The following OR10G3 variants were observed in gnomAD, a reference collection of about 807,000 sequenced individuals.
The protein encoded by OR10G3 is olfactory receptor 10G3.
A neutral mutation model predicts 13.4 loss-of-function variants in OR10G3; 8 were observed. The observed-to-expected ratio is 0.60, with a 90% CI of 0.35 to 1.08. The LOEUF (loss-of-function observed/expected upper bound fraction) is 1.08. Ranked by LOEUF, OR10G3 falls within the 50% of genes least tolerant of loss-of-function variation. The probability of loss-of-function intolerance (pLI) is 0.02; values close to 1 mark genes in which losing one functional copy is unlikely to be tolerated. For synonymous variants in OR10G3, 142 were observed against 156.1 expected (o/e 0.91, Z 0.67); for missense variants, 393 against 386.6 (o/e 1.02, Z -0.14).
In OR10G3 at chr14:21,568,698, G is replaced by GTT. The variant is rs59876310; in HGVS notation, c.*1103_*1104dup. 2.0e-5 allele frequency: 3 copies of GTT among 146,646 alleles called. No homozygotes were observed. Among genetic ancestry groups the GTT allele is most frequent in the African/African-American group, 5.0e-5 (2 of 39,952 alleles). The allele number at this position is 146,646 out of a possible 1,614,324, so 9.1% of individuals were successfully genotyped here. A position where few individuals can be genotyped will look rare whatever the true frequency, so the allele number is the denominator to read the frequency against. Reference sequence around the variant, plus strand: ...CCCTGTGTTAGTCAGGGGTCTCTTTGTTTTTTTTTTTTTTATTTTTTTATT... The same window carrying GTT: ...CCCTGTGTTAGTCAGGGGTCTCTTTGTTTTTTTTTTTTTTTTATTTTTTTATT... On this transcript the variant is annotated 3_prime_UTR_variant, in exon 2 of 2. Transcript: ENST00000641040.
chr14:21,578,279 T>C (rs2139715501), intron 1 of OR10G3, among the ~76,000 whole-genome samples: 2 of 148,814 alleles, frequency 1.3e-5, no homozygotes, highest in South Asian at 4.3e-4. Flanking sequence ...GGCATAGTGG[T>C]ATGAGCCTGT....
At chr14:21,575,624 T>C (rs1268663128) in intron 1 of OR10G3, among the ~76,000 whole-genome samples, 56 of 139,504 alleles carry the variant, frequency 4.0e-4, no homozygotes, top group Middle Eastern at 4.5e-3. Flanking sequence ...CATGATCTGC[T>C]CGCCTCGGCC....
In OR10G3 at chr14:21,569,915, G is replaced by C. The variant is rs757226270; in HGVS notation, c.830C>G (p.Pro277Arg). The C allele has an allele frequency of 6.2e-7, 1 of 1,613,682 alleles. No individual in the cohort carries two copies. The highest frequency in any genetic ancestry group is 2.2e-5 in the East Asian group (1 of 44,866). ...GTTGAGGAAAGGAGTGATGGCCGTG[G>C]GGACTAGGGCAGCTGCCCCATCCAG... ...SPLDGAAALVPTAITPFLNPL... is the reference protein window; with the variant it reads ...SPLDGAAALVRTAITPFLNPL... The change falls in exon 2 of 2, where the codon CCC (proline) becomes CGC (arginine). Residue 277 changes from proline (P) to arginine (R), a missense_variant. Transcript: ENST00000641040.
chr14:21,573,382 CAA>C (rs1161296073), intron 1 of OR10G3, among the ~76,000 whole-genome samples: 1 of 151,922 alleles, frequency 6.6e-6, no homozygotes, highest in Non-Finnish European at 1.5e-5. Flanking sequence ...TCAAAAGGTA[CAA>C]AGTTTCAGCT....
intron 1 of OR10G3, among the ~76,000 whole-genome samples, chr14:21,579,053 A>G (rs527569827): frequency 6.6e-6 from 1 of 152,330 alleles, no homozygotes; most frequent in East Asian, 1.9e-4. Context: ...CCTGGTGAGG[A>G]CAAAAAGAAC....
chr14:21,570,264 C>G lies in OR10G3; in HGVS notation c.481G>C (p.Ala161Pro). 2 of 1,614,182 alleles carry G rather than the reference C, an allele frequency of 1.2e-6. No homozygotes were observed. Among genetic ancestry groups the G allele is most frequent in the Non-Finnish European group, 8.5e-7 (1 of 1,180,026 alleles). ...TAGGGCAGGCGGAAGGTTAGGATGG[C>G]CTGGAGAGCCCCATGGATGGATCCT... ...MAGSIHGALQ[A>P]ILTFRLPYCG... is the part of the protein sequence containing the mutation. The change falls in exon 2 of 2, where the codon GCC (alanine) becomes CCC (proline). Residue 161 changes from alanine (A) to proline (P), a missense_variant. Transcript: ENST00000641040.
At chr14:21,575,539 C>T (rs1183677001) in intron 1 of OR10G3, among the ~76,000 whole-genome samples, 1 of 151,764 alleles carries the variant, frequency 6.6e-6, no homozygotes, top group Non-Finnish European at 1.5e-5. Context: ...CGCCACCATG[C>T]CCGGCTAATT....
chr14:21,577,829 C>T (rs1481859268), intron 1 of OR10G3, among the ~76,000 whole-genome samples: 1 of 151,766 alleles, frequency 6.6e-6, no homozygotes, highest in African/African-American at 2.4e-5. Flanking sequence ...GTGAAGAAAC[C>T]CCGTCTCTAC....
In OR10G3 at chr14:21,573,659, A is replaced by G. The variant is rs185227313; in HGVS notation, c.-17-2898T>C. ...TGCACTCCAGCCTGGGTGACAGAGCAAGACTCTGTCTCAAAAAAAAAAAAG... is the reference window on the plus strand; with the variant it reads ...TGCACTCCAGCCTGGGTGACAGAGCGAGACTCTGTCTCAAAAAAAAAAAAG... On this transcript the variant is annotated intron_variant, in intron 1 of 1. Coordinates refer to ENST00000641040, the MANE Select transcript of OR10G3 (RefSeq NM_001005465.2). Among the ~76,000 whole-genome samples the G allele has an allele frequency of 4.1e-4, 61 of 148,078 alleles. No homozygotes were observed. The East Asian group carries it at 0.01, about 25-fold the overall frequency.
intron 1 of OR10G3, among the ~76,000 whole-genome samples, chr14:21,577,102 A>G (rs1876750505): frequency 6.6e-6 from 1 of 152,184 alleles, no homozygotes; most frequent in Non-Finnish European, 1.5e-5. Context: ...TTTGCCAGGT[A>G]ACCACCCTTC....
At position 21,570,504 on chromosome 14, in the gene OR10G3, G is replaced by A. The variant is rs769372121; in HGVS notation, c.241C>T (p.Arg81Cys). 8 of 1,614,026 alleles carry A rather than the reference G, an allele frequency of 5.0e-6. No homozygotes were observed. The highest frequency in any genetic ancestry group is 5.1e-6 in the Non-Finnish European group (6 of 1,180,010). ...DMSISSIIVPRLMMNFTLGVK... is the reference protein window; with the variant it reads ...DMSISSIIVPCLMMNFTLGVK... ...CCTAAAGTGAAGTTCATCATGAGGC[G>A]AGGGACAATGATGGAGGAGATGCTC... is the stretch of plus-strand genomic sequence containing the variant. Residue 81 changes from arginine (R) to cysteine (C), a missense_variant, in exon 2 of 2, where the codon CGC becomes TGC. Physicochemically the swap from Arg to Cys is radical, Grantham distance 180 (BLOSUM62 -3). Transcript: ENST00000641040.
chr14:21,576,965 TCTAA>T (rs768390304), intron 1 of OR10G3, among the ~76,000 whole-genome samples: 35 of 152,326 alleles, frequency 2.3e-4, no homozygotes, highest in Non-Finnish European at 4.4e-4. Context: ...TTTTTGTTTC[TCTAA>T]CTTTTTGCTC....
chr14:21,570,168 T>C lies in OR10G3; in HGVS notation c.577A>G (p.Thr193Ala). 1.2e-6 allele frequency: 2 copies of C among 1,614,222 alleles called. No individual in the cohort carries two copies. Among genetic ancestry groups the C allele is most frequent in the Non-Finnish European group, 1.7e-6 (2 of 1,180,044 alleles). Residue 193 changes from threonine (T) to alanine (A), a missense_variant, in exon 2 of 2, where the codon ACA (threonine) becomes GCA (alanine). Coordinates refer to ENST00000641040, the MANE Select transcript of OR10G3 (RefSeq NM_001005465.2). ...AACGTCACCAGCTCGTTGACTGTTG[T>C]GTCAGCACAGGCCAGTCTCAACACT... ...PAVLRLACAD[T>A]TVNELVTFVD...
At position 21,569,275 on chromosome 14, in the gene OR10G3, C is replaced by T. The variant is rs1286559944; in HGVS notation, c.*528G>A. 6.5e-6 allele frequency: 1 copy of T among 153,352 alleles called. No individual in the cohort carries two copies. The allele number at this position is 153,352 out of a possible 1,614,324, so 9.5% of individuals were successfully genotyped here. A position where few individuals can be genotyped will look rare whatever the true frequency, so the allele number is the denominator to read the frequency against. ...TCACATTTTTCTGCCTGCTTATATTCTAGCCTCGCCGGCAGCTGATTAGGT... is the reference window on the plus strand; with the variant it reads ...TCACATTTTTCTGCCTGCTTATATTTTAGCCTCGCCGGCAGCTGATTAGGT... On this transcript the variant is annotated 3_prime_UTR_variant, in exon 2 of 2. Coordinates refer to ENST00000641040, the MANE Select transcript of OR10G3 (RefSeq NM_001005465.2).
intron 1 of OR10G3, among the ~76,000 whole-genome samples, chr14:21,575,584 T>C (rs1893119419): frequency 6.6e-6 from 1 of 151,652 alleles, no homozygotes; most frequent in Non-Finnish European, 1.5e-5. Flanking sequence ...TTTCACCATG[T>C]TGGCCAAGCT....
At chr14:21,573,696 A>G (rs915241014) in intron 1 of OR10G3, among the ~76,000 whole-genome samples, 5 of 151,548 alleles carry the variant, frequency 3.3e-5, no homozygotes, top group Non-Finnish European at 7.4e-5. Context: ...ACGAAGTTTC[A>G]GTTAGACAGG....
chr14:21,569,723 G>T lies in OR10G3; in HGVS notation c.*80C>A. The T allele has an allele frequency of 8.4e-7, 1 of 1,190,110 alleles. No individual in the cohort carries two copies. The highest frequency in any genetic ancestry group is 1.2e-6 in the Non-Finnish European group (1 of 849,112). 73.7% of individuals were successfully genotyped at this position (1,190,110 alleles called of 1,614,324 possible). ...CTATATAAAAGAGAAAAAACAAGAA[G>T]AAAAGAAAAAAGTTACCGAAGCCTA... On this transcript the variant is annotated 3_prime_UTR_variant, in exon 2 of 2. Coordinates refer to ENST00000641040, the MANE Select transcript of OR10G3 (RefSeq NM_001005465.2).
In OR10G3 at chr14:21,570,751, G is replaced by A. The variant is rs1248873128; in HGVS notation, c.-7C>T. 1 of 1,555,520 alleles carries A rather than the reference G, an allele frequency of 6.4e-7. No individual in the cohort carries two copies. Among genetic ancestry groups the A allele is most frequent in the Admixed American group, 1.8e-5 (1 of 55,168 alleles). On this transcript the variant is annotated 5_prime_UTR_variant, in exon 2 of 2. Coordinates refer to ENST00000641040, the MANE Select transcript of OR10G3 (RefSeq NM_001005465.2). ...TGCTGTTGATTCTTTCCATATCCCA[G>A]AGAATCTTACCTAGAGAATGGACAA...
chr14:21,570,014 G>C lies in OR10G3; in HGVS notation c.731C>G (p.Ala244Gly). 1 of 1,614,140 alleles carries C rather than the reference G, an allele frequency of 6.2e-7. No homozygotes were observed. Among genetic ancestry groups the C allele is most frequent in the South Asian group, 1.1e-5 (1 of 91,072 alleles). The change falls in exon 2 of 2, where the codon GCC becomes GGC. Residue 244 changes from alanine to glycine, a missense_variant. Physicochemically the swap from Ala to Gly is moderately conservative, Grantham distance 60. Coordinates refer to ENST00000641040, the MANE Select transcript of OR10G3 (RefSeq NM_001005465.2). ...GTACACGGTGACCACGGTTACATGG[G>C]CTCCACAAGTTGAAAAAGCCCGGCG... ...GRRRAFSTCG[A>G]HVTVVTVYYV... is the part of the protein sequence containing the mutation.
Sources: gnomAD v4.1 joint callset for allele counts (sites outside exome capture counted in the v4.1 genomes callset) on GRCh38, gnomAD v4.1.1 for gene constraint, MANE v1.5 for transcripts, NCBI Gene and HGNC (gene_info 2026-07-23, HGNC 2026-07-21) for gene names.